The following TPD52L2 variants were observed in gnomAD, a reference collection of about 807,000 sequenced individuals.
TPD52L2 encodes tumor protein D54.
In TPD52L2, 19 loss-of-function variants were observed where a neutral mutation model predicts 24.7. That is an observed-to-expected ratio of 0.77 (90% confidence interval 0.54 to 1.13). The LOEUF is 1.13. Among genes scored for constraint, TPD52L2 ranks in the 50% most tolerant of loss-of-function variants. TPD52L2 has a pLI of 0.00. For missense variants in TPD52L2, 236 were observed against 250.4 expected (o/e 0.94, Z 0.39); for synonymous variants, 104 against 100.2 (o/e 1.04, Z -0.23).
Position 63,890,066 on chromosome 20 carries a change from C to T in TPD52L2, c.*121C>T. On this transcript the variant is annotated 3_prime_UTR_variant, in exon 7 of 7. Coordinates refer to ENST00000346249, the MANE Select transcript of TPD52L2 (RefSeq NM_003288.4). Reference sequence around the variant, plus strand: ...GAGCAGAGCCGGCCCTGAGGACAGTCCTGCCCATCCACGCGGAGATGTGGC... The same window carrying T: ...GAGCAGAGCCGGCCCTGAGGACAGTTCTGCCCATCCACGCGGAGATGTGGC... 6.5e-7 allele frequency: 1 copy of T among 1,532,268 alleles called. No homozygotes were observed. The highest frequency in any genetic ancestry group is 8.8e-7 in the Non-Finnish European group (1 of 1,138,196). 94.9% of individuals were successfully genotyped at this position (1,532,268 alleles called of 1,614,324 possible).
intron 3 of TPD52L2, among the ~76,000 whole-genome samples, chr20:63,874,911 G>A (rs767034131): frequency 6.6e-6 from 1 of 152,052 alleles, no homozygotes; most frequent in Admixed American, 6.6e-5. Flanking sequence ...AGGCTGAGGC[G>A]GGTGTATCAC....
At chr20:63,886,711 C>T (rs2053135580) in intron 5 of TPD52L2, among the ~76,000 whole-genome samples, 1 of 149,686 alleles carries the variant, frequency 6.7e-6, no homozygotes, top group Admixed American at 6.7e-5. Flanking sequence ...GTGGTGTGAT[C>T]TCGGCTCACT....
At chr20:63,876,591 A>AT in intron 4 of TPD52L2, 1 of 361,324 alleles carries the variant, frequency 2.8e-6, no homozygotes, top group Non-Finnish European at 5.5e-6. Context: ...TCTCTGTGGG[A>AT]TTTTTTCATC....
rs547406712 is a variant in TPD52L2 at position 63,874,228 on chromosome 20, TTGTGTGTGTGTG to T, written c.314+430_314+441del. Among the ~76,000 whole-genome samples the T allele has an allele frequency of 4.1e-3, 573 of 140,012 alleles. 1 individual carries two copies. The highest frequency in any genetic ancestry group is 0.015 in the Middle Eastern group (4 of 266). The allele number at this position is 140,012 out of a possible 152,430, so 91.9% of individuals were successfully genotyped here. A position where few individuals can be genotyped will look rare whatever the true frequency, so the allele number is the denominator to read the frequency against. On this transcript the variant is annotated intron_variant, in intron 3 of 6. Transcript: ENST00000346249. The stretch of plus-strand genomic sequence containing the variant: ...CACCGCGCCCGGCTGATTTTTTTTT[TTGTGTGTGTGTG>T]TGTGTGTGTGTGTGTGTTTTTAGTA...
intron 4 of TPD52L2, among the ~76,000 whole-genome samples, chr20:63,878,745 G>A (rs575349499): frequency 7.9e-5 from 12 of 152,322 alleles, no homozygotes; most frequent in African/African-American, 2.2e-4. Context: ...ACAGCTCACT[G>A]GCAGTGGGAC....
chr20:63,876,616 A>C (rs2052687025), intron 4 of TPD52L2: 2 of 372,092 alleles, frequency 5.4e-6, no homozygotes, highest in Non-Finnish European at 1.1e-5. Flanking sequence ...ATTTAGAAGG[A>C]AGCGCTGTAA....
In TPD52L2 at chr20:63,890,331, TTCC is replaced by T; in HGVS notation, c.*397_*399del. 1.9e-5 allele frequency: 5 copies of T among 266,914 alleles called. No individual in the cohort carries two copies. Among genetic ancestry groups the T allele is most frequent in the East Asian group, 6.6e-5 (1 of 15,092 alleles). 16.5% of individuals were successfully genotyped at this position (266,914 alleles called of 1,614,324 possible). A position where few individuals can be genotyped will look rare whatever the true frequency, so the allele number is the denominator to read the frequency against. On this transcript the variant is annotated 3_prime_UTR_variant, in exon 7 of 7. Transcript: ENST00000346249. Reference sequence around the variant, plus strand: ...AAAATAAGTGGCATTTTCTGACTTCTTCCTCCTCCTCCTTCCCTGACTCACAGA... The same window carrying T: ...AAAATAAGTGGCATTTTCTGACTTCTTCCTCCTCCTTCCCTGACTCACAGA...
chr20:63,866,088 A>ATTTCTTTCTTTC (rs376658976), intron 1 of TPD52L2, among the ~76,000 whole-genome samples: 165 of 151,698 alleles, frequency 1.1e-3, no homozygotes, highest in African/African-American at 3.9e-3. Flanking sequence ...GGGATGCTAA[A>ATTTCTTTCTTTC]TTTCTTTCTT....
At chr20:63,874,500 C>T (rs1176600094) in intron 3 of TPD52L2, among the ~76,000 whole-genome samples, 3 of 151,756 alleles carry the variant, frequency 2.0e-5, no homozygotes, top group East Asian at 1.9e-4. Flanking sequence ...CAACCCCCCT[C>T]GTAGCTGGGA....
chr20:63,890,679 T>G lies in TPD52L2; in HGVS notation c.*734T>G, dbSNP rs2053293295. On this transcript the variant is annotated 3_prime_UTR_variant, in exon 7 of 7. Transcript: ENST00000346249. ...TTTTTATATGTATATAGATGAGGGT[T>G]CCTTAATGGTTGTGAGCATTGTGTG... The G allele has an allele frequency of 6.5e-6, 1 of 152,676 alleles. No individual in the cohort carries two copies. The highest frequency in any genetic ancestry group is 1.5e-5 in the Non-Finnish European group (1 of 68,060). 9.5% of individuals were successfully genotyped at this position (152,676 alleles called of 1,614,324 possible). A position where few individuals can be genotyped will look rare whatever the true frequency, so the allele number is the denominator to read the frequency against.
intron 3 of TPD52L2, among the ~76,000 whole-genome samples, chr20:63,874,861 C>T (rs1045158449): frequency 6.6e-6 from 1 of 152,062 alleles, no homozygotes; most frequent in African/African-American, 2.4e-5. Flanking sequence ...CCATATGGGC[C>T]GGGCATGGTG....
chr20:63,874,749 G>T (rs910920408), intron 3 of TPD52L2, among the ~76,000 whole-genome samples: 8 of 152,134 alleles, frequency 5.3e-5, no homozygotes, highest in African/African-American at 1.2e-4. Flanking sequence ...CTGTTTCAGG[G>T]TCCAGACTTG....
At chr20:63,870,838 C>T (rs1442446106) in intron 2 of TPD52L2, among the ~76,000 whole-genome samples, 3 of 151,650 alleles carry the variant, frequency 2.0e-5, no homozygotes, top group Non-Finnish European at 4.4e-5. Context: ...CTGCCTCAGC[C>T]TCCCGAATAT....
At chr20:63,878,027 T>C (rs1390799100) in intron 4 of TPD52L2, among the ~76,000 whole-genome samples, 1 of 152,180 alleles carries the variant, frequency 6.6e-6, no homozygotes, top group East Asian at 1.9e-4. Context: ...GCTTGGGAGG[T>C]GGGGCCTGAG....
At chr20:63,888,035 C>T (rs981867727) in intron 5 of TPD52L2, 4 of 208,560 alleles carry the variant, frequency 1.9e-5, no homozygotes, top group Middle Eastern at 1.8e-3. Context: ...CCCTGATTCT[C>T]AGGATTCTGT....
At chr20:63,865,803 G>C (rs992180190) in intron 1 of TPD52L2, among the ~76,000 whole-genome samples, 1 of 152,218 alleles carries the variant, frequency 6.6e-6, no homozygotes. Context: ...CCCAGTCCGA[G>C]GTGTTGAGGG....
At chr20:63,867,813 C>CA (rs1195687151) in intron 1 of TPD52L2, among the ~76,000 whole-genome samples, 3 of 142,350 alleles carry the variant, frequency 2.1e-5, no homozygotes, top group East Asian at 4.0e-4. Flanking sequence ...GAGACAGTCT[C>CA]AAAAAAAAGA....
intron 4 of TPD52L2, chr20:63,876,599 ATC>A: frequency 2.8e-6 from 1 of 362,736 alleles, no homozygotes; most frequent in Middle Eastern, 4.4e-4. Context: ...GGATTTTTTC[ATC>A]TGTTATTTAG....
intron 1 of TPD52L2, among the ~76,000 whole-genome samples, chr20:63,865,892 C>T (rs150839658): frequency 3.3e-4 from 50 of 152,286 alleles, no homozygotes; most frequent in African/African-American, 1.1e-3. Context: ...GCTCAGCCTG[C>T]TTAGGGGTTG....
Sources: allele counts gnomAD v4.1 joint callset (sites outside exome capture counted in the v4.1 genomes callset), GRCh38; gene constraint gnomAD v4.1.1; transcripts MANE v1.5; gene names NCBI Gene and HGNC (gene_info 2026-07-23, HGNC 2026-07-21).